The following MED12L variants were observed in gnomAD, a reference collection of about 807,000 sequenced individuals.
The protein encoded by MED12L is mediator complex subunit 12L, also known as mediator of RNA polymerase II transcription subunit 12-like protein.
Under a neutral mutation model 281.3 loss-of-function variants are expected in MED12L, and 60 were observed. The ratio of observed to expected loss-of-function variants is 0.21; its 90% CI spans 0.17 to 0.26. The LOEUF (loss-of-function observed/expected upper bound fraction) is 0.26. Ranked by LOEUF, MED12L falls within the 10% of genes least tolerant of loss-of-function variation. MED12L has a pLI of 1.00. For missense variants in MED12L, 2,146 were observed against 2,680.9 expected (o/e 0.80, Z 4.41); for synonymous variants, 974 against 987.2 (o/e 0.99, Z 0.25).
At position 151,126,195 on chromosome 3, in the gene MED12L, T is replaced by G. The variant is rs970287312; in HGVS notation, c.397-1630T>G. Among the ~76,000 whole-genome samples, 5 of 152,048 alleles carry G rather than the reference T, an allele frequency of 3.3e-5. 1 individual carries two copies. In the South Asian group the frequency reaches 1.0e-3, roughly 32 times the overall value. On this transcript the variant is annotated intron_variant, in intron 4 of 44. Coordinates refer to ENST00000687756, the MANE Select transcript of MED12L (RefSeq NM_001393769.1). Reference sequence around the variant, plus strand: ...TCCTGAGTAGCTAGGGCCACAGGTGTGTGCCACCACACTCACCTGATTTTT... The same window carrying G: ...TCCTGAGTAGCTAGGGCCACAGGTGGGTGCCACCACACTCACCTGATTTTT...
intron 16 of MED12L, among the ~76,000 whole-genome samples, chr3:151,334,196 C>CTTTTTTTTT (rs71138494): frequency 2.3e-4 from 27 of 118,208 alleles, no homozygotes; most frequent in African/African-American, 4.8e-4. Context: ...TTCTTTCTTT[C>CTTTTTTTTT]TTTTTTTTTT....
In MED12L at chr3:151,193,682, A is replaced by G. The variant is rs199614589; in HGVS notation, c.2250+16A>G. 1 of 1,594,894 alleles carries G rather than the reference A, an allele frequency of 6.3e-7. No individual in the cohort carries two copies. The highest frequency in any genetic ancestry group is 2.2e-5 in the East Asian group (1 of 44,728). ...TATACCTCTGGTAAGTCATTGCTTCAGTTAATCTATACCCTGATTATTTTA... is the reference window on the plus strand; with the variant it reads ...TATACCTCTGGTAAGTCATTGCTTCGGTTAATCTATACCCTGATTATTTTA... On this transcript the variant is annotated intron_variant, in intron 16 of 44. Transcript: ENST00000687756.
chr3:151,290,076 A>G (rs994385124), intron 16 of MED12L, among the ~76,000 whole-genome samples: 12 of 152,094 alleles, frequency 7.9e-5, no homozygotes, highest in Non-Finnish European at 1.3e-4. Flanking sequence ...TTCTTTTAGT[A>G]GAGACAGGGT....
chr3:151,116,225 A>G, intron 2 of MED12L, 113 bp from the exon 3 acceptor site: 2 of 655,488 alleles, frequency 3.1e-6, no homozygotes, highest in East Asian at 2.8e-5. Context: ...TGTCCTTTCA[A>G]GAGTTCTCCT....
chr3:151,165,440 A>T lies in MED12L; in HGVS notation c.1278A>T (p.Glu426Asp). Residue 426 changes from glutamate to aspartate, a missense_variant, in exon 10 of 45, where the codon GAA becomes GAT. Coordinates refer to ENST00000687756, the MANE Select transcript of MED12L (RefSeq NM_001393769.1). ...FNQQVRARIY[E>D]VEQQIKQRGR... Reference sequence around the variant, plus strand: ...TTCAGGTTCGGGCAAGGATTTATGAAGTAGAACAACAGATAAAACAAAGAG... The same window carrying T: ...TTCAGGTTCGGGCAAGGATTTATGATGTAGAACAACAGATAAAACAAAGAG... The T allele has an allele frequency of 1.2e-6, 2 of 1,614,014 alleles. No homozygotes were observed. Among genetic ancestry groups the T allele is most frequent in the Middle Eastern group, 3.3e-4 (2 of 6,060 alleles).
At chr3:151,104,463 G>A (rs1388083753) in intron 2 of MED12L, among the ~76,000 whole-genome samples, 2 of 152,156 alleles carry the variant, frequency 1.3e-5, no homozygotes, top group Non-Finnish European at 2.9e-5. Context: ...CCCTATTGCT[G>A]TGCAGTCAGC....
At chr3:151,268,398 A>T (rs1434168390) in intron 16 of MED12L, among the ~76,000 whole-genome samples, 1 of 152,208 alleles carries the variant, frequency 6.6e-6, no homozygotes, top group East Asian at 1.9e-4. Flanking sequence ...TGGTGAGCAT[A>T]CTGCTCTCCA....
intron 11 of MED12L, among the ~76,000 whole-genome samples, chr3:151,173,726 G>T (rs973640429): frequency 3.3e-5 from 5 of 152,168 alleles, no homozygotes. Flanking sequence ...ATCTCCCTTA[G>T]TGTCAGTCTG....
intron 16 of MED12L, among the ~76,000 whole-genome samples, chr3:151,282,285 A>C (rs1742917151): frequency 6.6e-6 from 1 of 152,144 alleles, no homozygotes; most frequent in South Asian, 2.1e-4. Context: ...TTTCAGATAA[A>C]TATGAACATT....
At chr3:151,232,744 C>T (rs181831065) in intron 16 of MED12L, among the ~76,000 whole-genome samples, 8 of 152,208 alleles carry the variant, frequency 5.3e-5, no homozygotes, top group African/African-American at 1.4e-4. Flanking sequence ...CATGAGAACT[C>T]ATGGACACAA....
At chr3:151,370,218 T>G (rs7646193) in intron 26 of MED12L, among the ~76,000 whole-genome samples, 9,063 of 152,288 alleles carry the variant, frequency 0.06, 401 homozygotes, top group Middle Eastern at 0.18. Flanking sequence ...AACATTATTC[T>G]GTAAATCTTA....
intron 5 of MED12L, among the ~76,000 whole-genome samples, chr3:151,138,725 A>C (rs1382326054): frequency 1.3e-5 from 2 of 152,188 alleles, no homozygotes; most frequent in Non-Finnish European, 2.9e-5. Context: ...CATTCTCATC[A>C]TGTTACATCA....
In MED12L at chr3:151,368,609, T is replaced by C. The variant is rs147591052; in HGVS notation, c.3550+358T>C. ...TGATTTATTTTATTTTATTTTATTTTATTTTATTTTATTTTATTTTATTTC... is the reference window on the plus strand; with the variant it reads ...TGATTTATTTTATTTTATTTTATTTCATTTTATTTTATTTTATTTTATTTC... On this transcript the variant is annotated intron_variant, in intron 25 of 44. Coordinates refer to ENST00000687756, the MANE Select transcript of MED12L (RefSeq NM_001393769.1). Among the ~76,000 whole-genome samples the C allele has an allele frequency of 4.6e-3, 323 of 70,686 alleles. 7 individuals carry two copies. The highest frequency in any genetic ancestry group is 0.015 in the African/African-American group (251 of 16,810). The allele number at this position is 70,686 out of a possible 152,430, so 46.4% of individuals were successfully genotyped here. A position where few individuals can be genotyped will look rare whatever the true frequency, so the allele number is the denominator to read the frequency against.
intron 30 of MED12L, among the ~76,000 whole-genome samples, chr3:151,377,612 G>A (rs1711507210): frequency 6.6e-6 from 1 of 152,066 alleles, no homozygotes; most frequent in South Asian, 2.1e-4. Flanking sequence ...CATCATTTTG[G>A]TATAAAGTAT....
intron 16 of MED12L, chr3:151,193,879 A>C: frequency 2.3e-6 from 1 of 441,820 alleles, no homozygotes; most frequent in Middle Eastern, 5.8e-4. Context: ...TTAGATTTAG[A>C]AAATGAAATT....
chr3:151,363,515 AT>A (rs1415764917), intron 21 of MED12L, among the ~76,000 whole-genome samples: 1 of 152,170 alleles, frequency 6.6e-6, no homozygotes, highest in African/African-American at 2.4e-5. Context: ...GTGCTGGGTT[AT>A]TTCCATCAAG....
chr3:151,315,104 G>A (rs1384722715), intron 16 of MED12L, among the ~76,000 whole-genome samples: 2 of 152,142 alleles, frequency 1.3e-5, no homozygotes, highest in Admixed American at 6.5e-5. Flanking sequence ...GGCTTTGAGG[G>A]ATTTTCATGG....
chr3:151,222,715 C>T (rs1191934548), intron 16 of MED12L, among the ~76,000 whole-genome samples: 3 of 152,160 alleles, frequency 2.0e-5, no homozygotes, highest in East Asian at 3.8e-4. Flanking sequence ...TGAAAATGGA[C>T]TAATAAAGCA....
intron 5 of MED12L, among the ~76,000 whole-genome samples, chr3:151,128,977 G>C (rs1714947657): frequency 6.6e-6 from 1 of 152,224 alleles, no homozygotes; most frequent in South Asian, 2.1e-4. Context: ...GTGACTTCTT[G>C]AGGTGGTGCT....
Sources: allele counts gnomAD v4.1 joint callset (sites outside exome capture counted in the v4.1 genomes callset), GRCh38; gene constraint gnomAD v4.1.1; transcripts MANE v1.5; gene names NCBI Gene and HGNC (gene_info 2026-07-23, HGNC 2026-07-21).